Variants in DEXI observed in about 807,000 individuals in gnomAD.
DEXI encodes the protein dexamethasone-induced protein.
In DEXI, 2 loss-of-function variants were observed where a neutral mutation model predicts 2.5. The ratio of observed to expected loss-of-function variants is 0.81; its 90% CI spans 0.33 to 2.55. The LOEUF is 2.55. Ranked by LOEUF, DEXI falls within the 30% of genes most tolerant of loss-of-function variation. The pLI is 0.11. For missense variants in DEXI, 108 were observed against 130.3 expected, an observed-to-expected ratio of 0.83 and a Z score of 0.83; for synonymous variants, 71 against 68.7, an observed-to-expected ratio of 1.03 and a Z score of -0.17.
intron 1 of DEXI, chr16:10,936,622 T>A (rs2041029330): frequency 6.6e-6 from 1 of 152,230 alleles, no homozygotes; most frequent in African/African-American, 2.4e-5. Flanking sequence ...GTTTGTTTGT[T>A]TTTAATTCAG....
In DEXI at chr16:10,941,828, G is replaced by A; in HGVS notation, c.178C>T (p.Pro60Ser). The A allele has an allele frequency of 6.2e-7, 1 of 1,613,440 alleles. No homozygotes were observed. Among genetic ancestry groups the A allele is most frequent in the South Asian group, 1.1e-5 (1 of 91,044 alleles). Residue 60 changes from proline to serine, a missense_variant, in exon 1 of 2, where the codon CCC becomes TCC. Pro to Ser is a moderately conservative substitution (Grantham distance 74). Transcript: ENST00000331808. The surrounding 1 kb of genome is among the most constrained non-coding windows in gnomAD (Gnocchi z 6.4). ...IVLNVGLVFL[P>S]EDMDQALVDL... ...ACGAGCGCCTGGTCCATGTCCTCGG[G>A]CAGGAAGACGAGGCCCACGTTGAGG...
At chr16:10,930,294 T>C (rs77127036) in intron 1 of DEXI, 2,520 of 152,350 alleles carry the variant, frequency 0.017, 62 homozygotes, top group African/African-American at 0.058. Context: ...ATGTGACATG[T>C]ATTGTTGTTT....
chr16:10,935,117 G>A (rs2040975051), intron 1 of DEXI: 1 of 152,268 alleles, frequency 6.6e-6, no homozygotes, highest in Admixed American at 6.5e-5. Context: ...GTTTTACAGA[G>A]AAGGAAACCG....
chr16:10,931,917 A>G (rs548518197), intron 1 of DEXI: 1 of 152,372 alleles, frequency 6.6e-6, no homozygotes, highest in East Asian at 1.9e-4. Context: ...TTCTCTTTTC[A>G]AAACATTTTA....
rs1427284921 is a variant in DEXI, at chr16:10,937,819, CTCTAGGAAA to C, written c.*149+3741_*149+3749del. 1.3e-5 allele frequency: 2 copies of C among 152,198 alleles called. No homozygotes were observed. Among genetic ancestry groups the C allele is most frequent in the African/African-American group, 4.8e-5 (2 of 41,442 alleles). 9.4% of individuals were successfully genotyped at this position (152,198 alleles called of 1,614,324 possible). On this transcript the variant is annotated intron_variant, in intron 1 of 1. Transcript: ENST00000331808. This position sits in a 1 kb window ranked among gnomAD's most constrained non-coding sequence, Gnocchi z 4.2. The stretch of plus-strand genomic sequence containing the variant: ...CCCTGCTCCTGGGCAACAATTAACA[CTCTAGGAAA>C]ACCACAGAGCCGGCTATCCAGGGTT...
chr16:10,940,038 C>T lies in DEXI; in HGVS notation c.*149+1531G>A, dbSNP rs537998007. 2.0e-5 allele frequency: 3 copies of T among 152,378 alleles called. No homozygotes were observed. Among genetic ancestry groups the T allele is most frequent in the African/African-American group, 7.2e-5 (3 of 41,582 alleles). 9.4% of individuals were successfully genotyped at this position (152,378 alleles called of 1,614,324 possible). A position where few individuals can be genotyped will look rare whatever the true frequency, so the allele number is the denominator to read the frequency against. ...CACACTCCCCCTGGCACTTGGTTCT[C>T]GCTAAGATGTTACTGAGCTCAACTG... On this transcript the variant is annotated intron_variant, in intron 1 of 1. Transcript: ENST00000331808. This position sits in a 1 kb window ranked among gnomAD's most constrained non-coding sequence, Gnocchi z 4.2.
chr16:10,930,744 C>T (rs1400529359), intron 1 of DEXI: 2 of 152,210 alleles, frequency 1.3e-5, no homozygotes, highest in South Asian at 2.1e-4. Context: ...GTGGGTGCCC[C>T]GCCCCATTCC....
chr16:10,934,546 TC>T lies in DEXI; in HGVS notation c.*150-4988del. ...GCAGACCACCTCACTGGGGGAAACA[TC>T]AGGACAGCGTGGCCAGGAGCCCAAT... On this transcript the variant is annotated intron_variant, in intron 1 of 1. Transcript: ENST00000331808. The surrounding 1 kb of genome is among the most constrained non-coding windows in gnomAD (Gnocchi z 4.2). 1 of 152,282 alleles carries T rather than the reference TC, an allele frequency of 6.6e-6. No individual in the cohort carries two copies. Among genetic ancestry groups the T allele is most frequent in the Admixed American group, 6.5e-5 (1 of 15,294 alleles). 9.4% of individuals were successfully genotyped at this position (152,282 alleles called of 1,614,324 possible).
chr16:10,935,306 T>C (rs2040981279), intron 1 of DEXI: 1 of 152,248 alleles, frequency 6.6e-6, no homozygotes, highest in African/African-American at 2.4e-5. Flanking sequence ...TCCTTATGAT[T>C]ATTTAGAGGA....
rs752920646 is a variant in DEXI, at chr16:10,941,846, C to G, written c.160G>C (p.Val54Leu). The change falls in exon 1 of 2, where the codon GTG (valine) becomes CTG (leucine). Residue 54 changes from valine (V) to leucine (L), a missense_variant. Coordinates refer to ENST00000331808, the MANE Select transcript of DEXI (RefSeq NM_014015.4). This position sits in a 1 kb window ranked among gnomAD's most constrained non-coding sequence, Gnocchi z 6.4. ...TCCTCGGGCAGGAAGACGAGGCCCA[C>G]GTTGAGGACGATGTACTCCATGAGG... is the stretch of plus-strand genomic sequence containing the variant. ...AFLMEYIVLNVGLVFLPEDMD... is the reference protein window; with the variant it reads ...AFLMEYIVLNLGLVFLPEDMD... 3.7e-6 allele frequency: 6 copies of G among 1,612,892 alleles called. No individual in the cohort carries two copies. The African/African-American group carries it at 8.0e-5, about 22-fold the overall frequency.
chr16:10,938,538 AC>A lies in DEXI; in HGVS notation c.*149+3030del, dbSNP rs1333188367. 1.3e-5 allele frequency: 2 copies of A among 152,202 alleles called. No individual in the cohort carries two copies. The highest frequency in any genetic ancestry group is 2.9e-5 in the Non-Finnish European group (2 of 68,044). 9.4% of individuals were successfully genotyped at this position (152,202 alleles called of 1,614,324 possible). ...TGGCTGAGAAAGAGCAGGACTGACT[AC>A]CGGCGTTCCCCTGCTTATGGAAAGG... On this transcript the variant is annotated intron_variant, in intron 1 of 1. Transcript: ENST00000331808. The surrounding 1 kb of genome is among the most constrained non-coding windows in gnomAD (Gnocchi z 4.9).
Position 10,938,947 on chromosome 16 carries a change from A to G in DEXI, c.*149+2622T>C, listed in dbSNP as rs2041065292. The G allele has an allele frequency of 6.6e-6, 1 of 152,204 alleles. No individual in the cohort carries two copies. Among genetic ancestry groups the G allele is most frequent in the Non-Finnish European group, 1.5e-5 (1 of 68,032 alleles). The allele number at this position is 152,204 out of a possible 1,614,324, so 9.4% of individuals were successfully genotyped here. A position where few individuals can be genotyped will look rare whatever the true frequency, so the allele number is the denominator to read the frequency against. ...GTGTTTCTGTTGATGTGGTAAAGAGATAAAATAAGACGTTCCTCACCAAGT... is the reference window on the plus strand; with the variant it reads ...GTGTTTCTGTTGATGTGGTAAAGAGGTAAAATAAGACGTTCCTCACCAAGT... On this transcript the variant is annotated intron_variant, in intron 1 of 1. Transcript: ENST00000331808. This position sits in a 1 kb window ranked among gnomAD's most constrained non-coding sequence, Gnocchi z 4.9.
Position 10,941,639 on chromosome 16 carries a change from G to A in DEXI, c.*79C>T. The A allele has an allele frequency of 6.5e-7, 1 of 1,529,050 alleles. No homozygotes were observed. Among genetic ancestry groups the A allele is most frequent in the Non-Finnish European group, 8.8e-7 (1 of 1,138,116 alleles). 94.7% of individuals were successfully genotyped at this position (1,529,050 alleles called of 1,614,324 possible). On this transcript the variant is annotated 3_prime_UTR_variant, in exon 1 of 2. Transcript: ENST00000331808. This position sits in a 1 kb window ranked among gnomAD's most constrained non-coding sequence, Gnocchi z 6.4. The stretch of plus-strand genomic sequence containing the variant: ...GTCCAGATGGTGCCCCCAACCAGCT[G>A]CGGCGGCATGATCTGGGCGGCTGGT...
In DEXI at chr16:10,938,987, G is replaced by C. The variant is rs559952079; in HGVS notation, c.*149+2582C>G. 5 of 152,344 alleles carry C rather than the reference G, an allele frequency of 3.3e-5. No individual in the cohort carries two copies. The highest frequency in any genetic ancestry group is 1.2e-4 in the African/African-American group (5 of 41,582). The allele number at this position is 152,344 out of a possible 1,614,324, so 9.4% of individuals were successfully genotyped here. A position where few individuals can be genotyped will look rare whatever the true frequency, so the allele number is the denominator to read the frequency against. On this transcript the variant is annotated intron_variant, in intron 1 of 1. Coordinates refer to ENST00000331808, the MANE Select transcript of DEXI (RefSeq NM_014015.4). The surrounding 1 kb of genome is among the most constrained non-coding windows in gnomAD (Gnocchi z 4.9). ...CCTCACCAAGTTACACTGCTTCAAAGTCAAATGCTTGGCTTGGAGACAGGG... is the reference window on the plus strand; with the variant it reads ...CCTCACCAAGTTACACTGCTTCAAACTCAAATGCTTGGCTTGGAGACAGGG...
Position 10,929,281 on chromosome 16 carries a change from A to T in DEXI, c.*428T>A. ...GTTTGAAGTGTCCTCTCCGAAGGTGAAGTGGGGGAAGCAGGTGCGCTCCGG... is the reference window on the plus strand; with the variant it reads ...GTTTGAAGTGTCCTCTCCGAAGGTGTAGTGGGGGAAGCAGGTGCGCTCCGG... On this transcript the variant is annotated 3_prime_UTR_variant, in exon 2 of 2. Transcript: ENST00000331808. The surrounding 1 kb of genome is among the most constrained non-coding windows in gnomAD (Gnocchi z 4.3). 2.0e-6 allele frequency: 2 copies of T among 985,710 alleles called. No individual in the cohort carries two copies. The highest frequency in any genetic ancestry group is 2.4e-6 in the Non-Finnish European group (2 of 829,922). 61.1% of individuals were successfully genotyped at this position (985,710 alleles called of 1,614,324 possible). A position where few individuals can be genotyped will look rare whatever the true frequency, so the allele number is the denominator to read the frequency against.
In DEXI at chr16:10,929,379, C is replaced by T; in HGVS notation, c.*330G>A. ...ATCGCAGCTGCAAATAATCAGAAGC[C>T]AAGGCCAGGCCATCGATTTGACACT... On this transcript the variant is annotated 3_prime_UTR_variant, in exon 2 of 2. Transcript: ENST00000331808. This position sits in a 1 kb window ranked among gnomAD's most constrained non-coding sequence, Gnocchi z 4.3. 2 of 985,886 alleles carry T rather than the reference C, an allele frequency of 2.0e-6. No homozygotes were observed. The highest frequency in any genetic ancestry group is 2.4e-6 in the Non-Finnish European group (2 of 829,946). The allele number at this position is 985,886 out of a possible 1,614,324, so 61.1% of individuals were successfully genotyped here. A position where few individuals can be genotyped will look rare whatever the true frequency, so the allele number is the denominator to read the frequency against.
rs1036502291 is a variant in DEXI, at chr16:10,929,307, G to A, written c.*402C>T. 1.5e-5 allele frequency: 15 copies of A among 985,838 alleles called. No homozygotes were observed. Among genetic ancestry groups the A allele is most frequent in the African/African-American group, 3.5e-5 (2 of 57,248 alleles). 61.1% of individuals were successfully genotyped at this position (985,838 alleles called of 1,614,324 possible). Reference sequence around the variant, plus strand: ...AGTGGGGGAAGCAGGTGCGCTCCGGGATGAAGTGCAGGGAGGCAAACTCTG... The same window carrying A: ...AGTGGGGGAAGCAGGTGCGCTCCGGAATGAAGTGCAGGGAGGCAAACTCTG... On this transcript the variant is annotated 3_prime_UTR_variant, in exon 2 of 2. Transcript: ENST00000331808. This position sits in a 1 kb window ranked among gnomAD's most constrained non-coding sequence, Gnocchi z 4.3.
Position 10,930,431 on chromosome 16 carries a change from G to C in DEXI, c.*150-872C>G, listed in dbSNP as rs188315183. On this transcript the variant is annotated intron_variant, in intron 1 of 1. Coordinates refer to ENST00000331808, the MANE Select transcript of DEXI (RefSeq NM_014015.4). ...ATGCCAGTAGCACCCCTGGCCACTG[G>C]AACAACTAAAAATGCCCTCCTACCC... 4 of 152,262 alleles carry C rather than the reference G, an allele frequency of 2.6e-5. No homozygotes were observed. The East Asian group carries it at 7.7e-4, about 29-fold the overall frequency. 9.4% of individuals were successfully genotyped at this position (152,262 alleles called of 1,614,324 possible).
rs2041103241 is a variant in DEXI, at chr16:10,941,575, C to T, written c.*143G>A. 3 of 1,455,524 alleles carry T rather than the reference C, an allele frequency of 2.1e-6. No individual in the cohort carries two copies. The highest frequency in any genetic ancestry group is 1.4e-5 in the African/African-American group (1 of 70,300). The allele number at this position is 1,455,524 out of a possible 1,614,324, so 90.2% of individuals were successfully genotyped here. A position where few individuals can be genotyped will look rare whatever the true frequency, so the allele number is the denominator to read the frequency against. On this transcript the variant is annotated 3_prime_UTR_variant, in exon 1 of 2. Transcript: ENST00000331808. This position sits in a 1 kb window ranked among gnomAD's most constrained non-coding sequence, Gnocchi z 6.4. ...GTTCAGAGAGGGCACTTACAGGCCT[C>T]GGAGGCAGGGGAGGGTCTCCTCCTG...
Sources: allele counts gnomAD v4.1 joint callset, GRCh38; gene constraint gnomAD v4.1.1; non-coding constraint Gnocchi (gnomAD v3.1); transcripts MANE v1.5; gene names NCBI Gene and HGNC (gene_info 2026-07-23, HGNC 2026-07-21).